LRRC27: variants seen among roughly 807,000 people sequenced by gnomAD.
The protein encoded by LRRC27 is leucine-rich repeat-containing protein 27.
A neutral mutation model predicts 55.0 loss-of-function variants in LRRC27; 57 were observed. The ratio of observed to expected loss-of-function variants is 1.04; its 90% confidence interval spans 0.84 to 1.29. The LOEUF (loss-of-function observed/expected upper bound fraction) is 1.29. LRRC27 is among the 50% of genes most tolerant of loss of function. LRRC27 has a pLI of 0.00. For missense variants in LRRC27, 721 were observed against 651.5 expected (o/e 1.11, Z -1.16); for synonymous variants, 278 against 251.9 (o/e 1.10, Z -0.98).
rs769922007 is a variant in LRRC27 at position 132,333,689 on chromosome 10, T to C, written c.165T>C (p.Ser55=). 3 of 1,613,794 alleles carry C rather than the reference T, an allele frequency of 1.9e-6. No individual in the cohort carries two copies. In the Admixed American group the frequency reaches 5.0e-5, roughly 27 times the overall value. Residue 55 remains serine (S), a synonymous_variant, in exon 2 of 11, where the codon AGT becomes AGC. Transcript: ENST00000368614. ...CACCGATTTTAGACTTGAGTGAAAGTGGTCTGTGCCGTTTGGAGGAGGTCT... is the reference window on the plus strand; with the variant it reads ...CACCGATTTTAGACTTGAGTGAAAGCGGTCTGTGCCGTTTGGAGGAGGTCT... The part of the protein sequence containing the change: ...SSSPILDLSE[S]GLCRLEEVFR...
At chr10:132,339,016 A>G (rs2067264381) in intron 3 of LRRC27, among the ~76,000 whole-genome samples, 1 of 152,100 alleles carries the variant, frequency 6.6e-6, no homozygotes, top group Non-Finnish European at 1.5e-5. Context: ...GGCTACCTGA[A>G]CCTCTTTTGA....
intron 2 of LRRC27, chr10:132,335,017 C>T (rs1489133965): frequency 6.6e-6 from 1 of 152,190 alleles, no homozygotes; most frequent in Non-Finnish European, 1.5e-5. Flanking sequence ...CCAGAGATCC[C>T]CCATCCTCAC....
chr10:132,364,618 T>C lies in LRRC27; in HGVS notation c.1290-806T>C, dbSNP rs1243789351. Among the ~76,000 whole-genome samples the C allele has an allele frequency of 6.2e-4, 64 of 102,560 alleles. 7 individuals carry two copies. Among genetic ancestry groups the C allele is most frequent in the Admixed American group, 1.1e-3 (12 of 10,876 alleles). 67.3% of individuals were successfully genotyped at this position (102,560 alleles called of 152,430 possible). A position where few individuals can be genotyped will look rare whatever the true frequency, so the allele number is the denominator to read the frequency against. The stretch of plus-strand genomic sequence containing the variant: ...CAGGCAGTCCGCGTCCACGCTTACA[T>C]CTACCTCCACGCCCACACTTAACAC... On this transcript the variant is annotated intron_variant, in intron 9 of 10. Coordinates refer to ENST00000368614, the MANE Select transcript of LRRC27 (RefSeq NM_030626.3).
intron 1 of LRRC27, 93 bp from the exon 2 acceptor site, chr10:132,333,384 G>A (rs901656734): frequency 4.0e-5 from 19 of 472,456 alleles, no homozygotes; most frequent in Non-Finnish European, 4.9e-5. Flanking sequence ...AGCTTTTAAA[G>A]CAAGTTACAT....
chr10:132,339,074 C>T (rs1161078440), intron 3 of LRRC27, among the ~76,000 whole-genome samples: 5 of 152,186 alleles, frequency 3.3e-5, no homozygotes, highest in African/African-American at 7.2e-5. Flanking sequence ...ACGGCAGCAG[C>T]CCATGCAGGA....
At chr10:132,369,017 A>G (rs985083008) in intron 10 of LRRC27, among the ~76,000 whole-genome samples, 9 of 152,250 alleles carry the variant, frequency 5.9e-5, no homozygotes, top group Admixed American at 1.3e-4. Flanking sequence ...ATCAAAGAAG[A>G]TGCATGGATG....
At chr10:132,337,376 T>G in intron 2 of LRRC27, 189 bp from the exon 3 acceptor site, 1 of 1,380,054 alleles carries the variant, frequency 7.2e-7, no homozygotes, top group South Asian at 1.8e-5. Context: ...GGAGTCCTGG[T>G]TCTTTTCTTT....
chr10:132,333,810 T>C (rs2066967907), intron 2 of LRRC27, 76 bp downstream of exon 2: 9 of 1,081,930 alleles, frequency 8.3e-6, no homozygotes, highest in Non-Finnish European at 1.2e-5. Context: ...CCCTGGGCTT[T>C]ATTTGTAGGC....
rs1404840360 is a variant in LRRC27, at chr10:132,380,714, T to C, written c.*5472T>C. Among the ~76,000 whole-genome samples the C allele has an allele frequency of 6.6e-6, 1 of 152,206 alleles. No homozygotes were observed. Among genetic ancestry groups the C allele is most frequent in the Non-Finnish European group, 1.5e-5 (1 of 68,030 alleles). On this transcript the variant is annotated 3_prime_UTR_variant, in exon 11 of 11. Coordinates refer to ENST00000368614, the MANE Select transcript of LRRC27 (RefSeq NM_030626.3). Reference sequence around the variant, plus strand: ...GTATTTTTCATGTTGAGCGCAATACTGTAAACCTTGAAGAACACTTTGGGA... The same window carrying C: ...GTATTTTTCATGTTGAGCGCAATACCGTAAACCTTGAAGAACACTTTGGGA...
intron 10 of LRRC27, chr10:132,366,732 G>GC: frequency 1.3e-6 from 1 of 793,478 alleles, no homozygotes; most frequent in Non-Finnish European, 1.6e-6. Context: ...CATCGGGGCT[G>GC]CCCCCAGAGC....
chr10:132,351,347 G>T, intron 6 of LRRC27: 1 of 412,190 alleles, frequency 2.4e-6, no homozygotes, highest in Non-Finnish European at 4.5e-6. Context: ...TTCCCAAGCC[G>T]ACTGTCAAGC....
At chr10:132,332,784 T>A (rs893575274) in intron 1 of LRRC27, among the ~76,000 whole-genome samples, 1 of 152,134 alleles carries the variant, frequency 6.6e-6, no homozygotes, top group Non-Finnish European at 1.5e-5. Flanking sequence ...GCGCCTCATA[T>A]GCCAATCATT....
In LRRC27 at chr10:132,365,464, C is replaced by T; in HGVS notation, c.1330C>T (p.His444Tyr). ...AAATTTAGAAGAGAAGATAAAACAG[C>T]ACGTCCTCCAAATGCGTGAGCAAAG... The part of the protein sequence containing the change: ...ERNLEEKIKQ[H>Y]VLQMREQRRF... Residue 444 changes from histidine to tyrosine, a missense_variant, in exon 10 of 11, where the codon CAC becomes TAC. By Grantham distance (83) the His-to-Tyr change is moderately conservative (BLOSUM62 2). Transcript: ENST00000368614. The T allele has an allele frequency of 6.2e-7, 1 of 1,613,724 alleles. No individual in the cohort carries two copies. Among genetic ancestry groups the T allele is most frequent in the Non-Finnish European group, 8.5e-7 (1 of 1,179,974 alleles).
chr10:132,377,459 A>C lies in LRRC27; in HGVS notation c.*2217A>C, dbSNP rs2069352469. On this transcript the variant is annotated 3_prime_UTR_variant, in exon 11 of 11. Coordinates refer to ENST00000368614, the MANE Select transcript of LRRC27 (RefSeq NM_030626.3). ...TTCATTAGCATTTCCTGAATGAGCC[A>C]ATGACCCTGAGAAGGTCCCTCCCAT... The C allele has an allele frequency of 6.6e-6, 1 of 152,180 alleles. No individual in the cohort carries two copies. The highest frequency in any genetic ancestry group is 2.4e-5 in the African/African-American group (1 of 41,432). The allele number at this position is 152,180 out of a possible 1,614,324, so 9.4% of individuals were successfully genotyped here.
chr10:132,358,557 G>A (rs1273277235), intron 8 of LRRC27, among the ~76,000 whole-genome samples: 12 of 118,842 alleles, frequency 1.0e-4, no homozygotes, highest in Admixed American at 1.8e-4. Flanking sequence ...AGCCGAGGTG[G>A]TGGAGCAGTG....
rs2133121880 is a variant in LRRC27, at chr10:132,378,464, T to C, written c.*3222T>C. 6.6e-6 allele frequency: 1 copy of C among 152,206 alleles called. No individual in the cohort carries two copies. Among genetic ancestry groups the C allele is most frequent in the Non-Finnish European group, 1.5e-5 (1 of 68,018 alleles). The allele number at this position is 152,206 out of a possible 1,614,324, so 9.4% of individuals were successfully genotyped here. On this transcript the variant is annotated 3_prime_UTR_variant, in exon 11 of 11. Transcript: ENST00000368614. ...CCCTGAGACTTCAGTTTTGTGTGTG[T>C]GTGCACATGTGTGTATGCATTCGTG...
At chr10:132,359,489 T>G (rs986495842) in intron 8 of LRRC27, among the ~76,000 whole-genome samples, 2 of 152,106 alleles carry the variant, frequency 1.3e-5, no homozygotes, top group Non-Finnish European at 2.9e-5. Context: ...CGGCCTTGGG[T>G]GGCCACTGCT....
chr10:132,331,942 C>T (rs1350419544), upstream of LRRC27: 9 of 582,532 alleles, frequency 1.5e-5, no homozygotes, highest in Middle Eastern at 4.6e-4. Context: ...CGCAACCCCC[C>T]GCCCCAGCGC....
intron 7 of LRRC27, chr10:132,352,810 T>C: frequency 1.9e-6 from 3 of 1,555,766 alleles, no homozygotes; most frequent in Non-Finnish European, 2.6e-6. Context: ...CTTGTGTCCG[T>C]CTTTGCCCTG....
Sources: gnomAD v4.1 joint callset for allele counts (sites outside exome capture counted in the v4.1 genomes callset) on GRCh38, gnomAD v4.1.1 for gene constraint, MANE v1.5 for transcripts, NCBI Gene and HGNC (gene_info 2026-07-23, HGNC 2026-07-21) for gene names.